Variants in SYNPO2 observed in about 807,000 individuals in gnomAD.
SYNPO2 encodes synaptopodin-2.
SYNPO2 carries 56 observed loss-of-function variants against 85.0 expected under a neutral mutation model. The ratio of observed to expected loss-of-function variants is 0.66; its 90% CI spans 0.53 to 0.82. The LOEUF (loss-of-function observed/expected upper bound fraction) is 0.82, where lower values mean the gene tolerates loss of function less well. SYNPO2 is among the 40% of genes least tolerant of loss of function. SYNPO2 has a pLI of 0.00. For synonymous variants in SYNPO2, 602 were observed against 591.1 expected, an observed-to-expected ratio of 1.02 and a Z score of -0.27; for missense variants, 1,575 against 1,534.2, an observed-to-expected ratio of 1.03 and a Z score of -0.44.
At position 119,060,407 on chromosome 4, in the gene SYNPO2, G is replaced by A. The variant is rs999757521; in HGVS notation, c.*2473G>A. On this transcript the variant is annotated 3_prime_UTR_variant, in exon 5 of 5. Transcript: ENST00000307142. ...AGTCATACTTTGCAGATATGAACCTGAAAATCAAAGTGCCATTGTTAAATC... is the reference window on the plus strand; with the variant it reads ...AGTCATACTTTGCAGATATGAACCTAAAAATCAAAGTGCCATTGTTAAATC... The A allele has an allele frequency of 6.6e-6, 1 of 152,134 alleles. No homozygotes were observed. 9.4% of individuals were successfully genotyped at this position (152,134 alleles called of 1,614,324 possible).
chr4:119,034,628 A>G (rs1415893368), intron 4 of SYNPO2: 8 of 985,368 alleles, frequency 8.1e-6, no homozygotes, highest in Non-Finnish European at 9.6e-6. Context: ...ACTTTATAGA[A>G]GAGGGTGGAA....
At chr4:118,991,190 C>T (rs1736403013) in intron 1 of SYNPO2, among the ~76,000 whole-genome samples, 1 of 152,126 alleles carries the variant, frequency 6.6e-6, no homozygotes, top group South Asian at 2.1e-4. Flanking sequence ...CTCTGTCACC[C>T]AGGCTGGAGT....
intron 1 of SYNPO2, among the ~76,000 whole-genome samples, chr4:118,854,490 G>A (rs907309805): frequency 1.3e-5 from 2 of 151,990 alleles, no homozygotes; most frequent in African/African-American, 4.8e-5. Flanking sequence ...TATGAATCAA[G>A]GAATCAAAGT....
intron 1 of SYNPO2, among the ~76,000 whole-genome samples, chr4:118,916,990 C>T (rs1733358755): frequency 6.6e-6 from 1 of 152,190 alleles, no homozygotes; most frequent in African/African-American, 2.4e-5. Context: ...TTGCCTCAGC[C>T]TCTCAAAGTG....
intron 1 of SYNPO2, chr4:119,006,517 T>C (rs558149590): frequency 6.6e-6 from 1 of 152,056 alleles, no homozygotes; most frequent in African/African-American, 2.4e-5. Context: ...ATAAAGAAAA[T>C]AAAGGAATGC....
intron 1 of SYNPO2, among the ~76,000 whole-genome samples, chr4:119,001,268 T>C (rs1300167150): frequency 6.6e-6 from 1 of 152,188 alleles, no homozygotes; most frequent in Non-Finnish European, 1.5e-5. Context: ...AAATTGCTTC[T>C]CCACCTCAAA....
At chr4:118,886,028 C>T (rs1457604491), upstream of SYNPO2, among the ~76,000 whole-genome samples, 2 of 152,150 alleles carry the variant, frequency 1.3e-5, no homozygotes, top group Admixed American at 6.5e-5. Context: ...ATTTCAAGTT[C>T]CTGCACAGAA....
At chr4:118,890,451 G>A (rs989572044) in intron 1 of SYNPO2, among the ~76,000 whole-genome samples, 1 of 152,172 alleles carries the variant, frequency 6.6e-6, no homozygotes, top group Non-Finnish European at 1.5e-5. Flanking sequence ...GGAACTGGCA[G>A]AGTGATTAAA....
chr4:119,058,054 TC>T lies in SYNPO2; in HGVS notation c.*121del. On this transcript the variant is annotated 3_prime_UTR_variant, in exon 5 of 5. Transcript: ENST00000307142. ...TTTGGTCTTGGCTTGTTCTCATAAG[TC>T]ATTTATCTAAGTTTGTGTTTCTGTG... 9.2e-7 allele frequency: 1 copy of T among 1,089,100 alleles called. No individual in the cohort carries two copies. The allele number at this position is 1,089,100 out of a possible 1,614,324, so 67.5% of individuals were successfully genotyped here.
chr4:118,933,826 G>GTT (rs1408105428), intron 1 of SYNPO2, among the ~76,000 whole-genome samples: 14 of 22,042 alleles, frequency 6.4e-4, no homozygotes, highest in South Asian at 2.4e-3. Context: ...TGCTGTTGTT[G>GTT]TTGTTTTTTT....
At chr4:118,906,234 T>G (rs1027402270) in intron 1 of SYNPO2, among the ~76,000 whole-genome samples, 1 of 152,156 alleles carries the variant, frequency 6.6e-6, no homozygotes, top group Non-Finnish European at 1.5e-5. Flanking sequence ...AATAAGCAAC[T>G]TATATAAAGA....
intron 4 of SYNPO2, chr4:119,035,761 G>A (rs1178334355): frequency 1.6e-5 from 16 of 978,688 alleles, no homozygotes; most frequent in African/African-American, 1.8e-5. Flanking sequence ...TAGGACAGCT[G>A]AGAATTATCA....
intron 1 of SYNPO2, among the ~76,000 whole-genome samples, chr4:119,009,146 G>T (rs570101543): frequency 2.6e-5 from 4 of 152,266 alleles, no homozygotes; most frequent in Admixed American, 6.5e-5. Context: ...CAAATGCTTC[G>T]TAAAGATTTT....
chr4:119,034,023 G>T (rs1738394163), intron 4 of SYNPO2: 8 of 985,396 alleles, frequency 8.1e-6, no homozygotes, highest in Non-Finnish European at 9.6e-6. Flanking sequence ...ATGTAGCTTG[G>T]TCTCTTATTT....
At chr4:118,928,285 G>A (rs950344259) in intron 1 of SYNPO2, among the ~76,000 whole-genome samples, 3 of 152,142 alleles carry the variant, frequency 2.0e-5, no homozygotes, top group Admixed American at 6.5e-5. Context: ...TAATTGGTCA[G>A]AATCAAAACT....
intron 1 of SYNPO2, among the ~76,000 whole-genome samples, chr4:119,002,295 C>T (rs1736848124): frequency 6.6e-6 from 1 of 152,092 alleles, no homozygotes; most frequent in South Asian, 2.1e-4. Context: ...GAGTCTTGCT[C>T]TGTCACCCAG....
chr4:119,061,221 A>C lies in SYNPO2; in HGVS notation c.*3287A>C, dbSNP rs1423500118. The C allele has an allele frequency of 6.6e-6, 1 of 152,158 alleles. No individual in the cohort carries two copies. The highest frequency in any genetic ancestry group is 2.4e-5 in the African/African-American group (1 of 41,458). 9.4% of individuals were successfully genotyped at this position (152,158 alleles called of 1,614,324 possible). On this transcript the variant is annotated 3_prime_UTR_variant, in exon 5 of 5. Transcript: ENST00000307142. ...GCATACGGAAAATTGAAATTATATT[A>C]GTAATAAATGTAACTTGAAAAATCA...
rs1222764433 is a variant in SYNPO2 at position 119,059,602 on chromosome 4, T to C, written c.*1668T>C. The stretch of plus-strand genomic sequence containing the variant: ...AGTATTCAAAATTTCCTTGGTTTTT[T>C]AAAGGTGATAATTTTGCTTTGTGTT... On this transcript the variant is annotated 3_prime_UTR_variant, in exon 5 of 5. Coordinates refer to ENST00000307142, the MANE Select transcript of SYNPO2 (RefSeq NM_133477.3). 2 of 152,206 alleles carry C rather than the reference T, an allele frequency of 1.3e-5. No homozygotes were observed. Among genetic ancestry groups the C allele is most frequent in the Non-Finnish European group, 2.9e-5 (2 of 68,032 alleles). 9.4% of individuals were successfully genotyped at this position (152,206 alleles called of 1,614,324 possible).
At chr4:118,952,449 T>A (rs1202792208) in intron 1 of SYNPO2, among the ~76,000 whole-genome samples, 1 of 152,164 alleles carries the variant, frequency 6.6e-6, no homozygotes, top group African/African-American at 2.4e-5. Context: ...GTTACATATG[T>A]ATATATGTGC....
Sources: gnomAD v4.1 joint callset for allele counts (sites outside exome capture counted in the v4.1 genomes callset) on GRCh38, gnomAD v4.1.1 for gene constraint, MANE v1.5 for transcripts, NCBI Gene and HGNC (gene_info 2026-07-23, HGNC 2026-07-21) for gene names.